WRN: variants seen among roughly 807,000 people sequenced by gnomAD.
WRN encodes the protein WRN RecQ like helicase, also known as bifunctional 3'-5' exonuclease/ATP-dependent helicase WRN.
In WRN, 149 loss-of-function variants were observed where a neutral mutation model predicts 180.7. That is an observed-to-expected ratio of 0.82 (90% CI 0.72 to 0.94). The LOEUF (loss-of-function observed/expected upper bound fraction) is 0.94, where lower values mean the gene tolerates loss of function less well. Ranked by LOEUF, WRN falls within the 40% of genes least tolerant of loss-of-function variation. The pLI is 0.00. For synonymous variants in WRN, 548 were observed against 568.9 expected, an observed-to-expected ratio of 0.96 and a Z score of 0.52; for missense variants, 1,661 against 1,700.1, an observed-to-expected ratio of 0.98 and a Z score of 0.40.
At position 31,173,922 on chromosome 8, in the gene WRN, A is replaced by C. The variant is rs11574418; in HGVS notation, c.*820A>C. ...GGGTAAACGATGATTATTTAACTTT[A>C]AGCAGTTCACCATCCATTTCAAAGC... is the stretch of plus-strand genomic sequence containing the variant. On this transcript the variant is annotated 3_prime_UTR_variant, in exon 35 of 35. Coordinates refer to ENST00000298139, the MANE Select transcript of WRN (RefSeq NM_000553.6). 2.2e-3 allele frequency among the ~76,000 whole-genome samples: 338 copies of C among 152,312 alleles called. 3 individuals carry two copies. Among genetic ancestry groups the C allele is most frequent in the Non-Finnish European group, 1.7e-3 (114 of 68,010 alleles).
At chr8:31,047,420 A>G (rs2725340) in intron 1 of WRN, among the ~76,000 whole-genome samples, 121,647 of 151,936 alleles carry the variant, frequency 0.8, 48,767 homozygotes, top group East Asian at 0.9. Context: ...GTACCACTAC[A>G]TCCAGCCAGG....
At chr8:31,080,199 A>G (rs1193210669) in intron 8 of WRN, among the ~76,000 whole-genome samples, 1 of 152,154 alleles carries the variant, frequency 6.6e-6, no homozygotes, top group Non-Finnish European at 1.5e-5. Flanking sequence ...CTTTTAACTT[A>G]AAGTGTTAAT....
chr8:31,111,186 A>G (rs1801301723), intron 18 of WRN, among the ~76,000 whole-genome samples: 1 of 152,146 alleles, frequency 6.6e-6, no homozygotes. Context: ...ATTGCTTTAT[A>G]TAGTTAGATT....
intron 34 of WRN, among the ~76,000 whole-genome samples, chr8:31,172,518 C>A (rs1249214978): frequency 6.6e-6 from 1 of 152,172 alleles, no homozygotes. Flanking sequence ...GCGTACTATG[C>A]CTTGGCCACT....
At chr8:31,135,493 G>A (rs1167014734) in intron 24 of WRN, among the ~76,000 whole-genome samples, 1 of 152,212 alleles carries the variant, frequency 6.6e-6, no homozygotes, top group African/African-American at 2.4e-5. Flanking sequence ...TATGGAAGAT[G>A]TTACTTAAGA....
chr8:31,056,794 T>TAA, intron 1 of WRN, among the ~76,000 whole-genome samples: 3 of 152,338 alleles, frequency 2.0e-5, no homozygotes, highest in African/African-American at 7.2e-5. Flanking sequence ...AATAAATCCA[T>TAA]AATTCCAGGC....
chr8:31,140,184 A>C (rs1340696340), intron 24 of WRN, among the ~76,000 whole-genome samples: 2 of 150,340 alleles, frequency 1.3e-5, no homozygotes, highest in Non-Finnish European at 3.0e-5. Context: ...ACACCACCAC[A>C]CTTTGCTAAT....
At position 31,080,879 on chromosome 8, in the gene WRN, A is replaced by T; in HGVS notation, c.852A>T (p.Leu284Phe). ...KLENPRRVSI[L>F]LKDISENLYS... Reference sequence around the variant, plus strand: ...ATTTTTTTTTTAGGGTTTCTATCTTACTAAAGGATATTTCAGAAAATCTAT... The same window carrying T: ...ATTTTTTTTTTAGGGTTTCTATCTTTCTAAAGGATATTTCAGAAAATCTAT... Residue 284 changes from leucine to phenylalanine, a missense_variant, in exon 9 of 35, where the codon TTA becomes TTT. Around this residue, in one of 3 missense-constraint regions of WRN, gnomAD observed 500 missense variants for 504.1 expected, o/e 0.99. Coordinates refer to ENST00000298139, the MANE Select transcript of WRN (RefSeq NM_000553.6). The T allele has an allele frequency of 6.2e-7, 1 of 1,606,590 alleles. No individual in the cohort carries two copies. The highest frequency in any genetic ancestry group is 8.5e-7 in the Non-Finnish European group (1 of 1,177,714).
At chr8:31,133,423 G>C (rs1377156688) in intron 24 of WRN, among the ~76,000 whole-genome samples, 1 of 152,106 alleles carries the variant, frequency 6.6e-6, no homozygotes, top group African/African-American at 2.4e-5. Flanking sequence ...CATTTTGGAG[G>C]CTGAGGCAGG....
Position 31,100,929 on chromosome 8 carries a change from G to A in WRN, c.2062G>A (p.Gly688Ser), listed in dbSNP as rs1408654459. The part of the protein sequence containing the change: ...HDFRDSFRKL[G>S]SLKTALPMVP... Reference sequence around the variant, plus strand: ...TTTTAGGGATTCATTCAGGAAGTTGGGCTCCCTAAAGACAGCACTGCCAAT... The same window carrying A: ...TTTTAGGGATTCATTCAGGAAGTTGAGCTCCCTAAAGACAGCACTGCCAAT... Residue 688 changes from glycine to serine, a missense_variant, in exon 18 of 35, where the codon GGC (glycine) becomes AGC (serine). Around this residue, in one of 3 missense-constraint regions of WRN, gnomAD observed 1,141 missense variants for 1,149.4 expected, o/e 0.99. Transcript: ENST00000298139. 3 of 1,613,938 alleles carry A rather than the reference G, an allele frequency of 1.9e-6. No individual in the cohort carries two copies. Among genetic ancestry groups the A allele is most frequent in the African/African-American group, 1.3e-5 (1 of 74,992 alleles).
intron 1 of WRN, among the ~76,000 whole-genome samples, chr8:31,034,321 C>G (rs1031340377): frequency 8.5e-5 from 13 of 152,170 alleles, no homozygotes; most frequent in Non-Finnish European, 1.8e-4. Context: ...GGGAAATAAC[C>G]TGCTGTCTAT....
rs182293715 is a variant in WRN, at chr8:31,159,304, A to G, written c.3982+1774A>G. Among the ~76,000 whole-genome samples the G allele has an allele frequency of 4.2e-3, 639 of 151,934 alleles. 4 individuals carry two copies. The highest frequency in any genetic ancestry group is 6.8e-3 in the Non-Finnish European group (461 of 67,950). The stretch of plus-strand genomic sequence containing the variant: ...GACACCCAGAGTGAGAACCTGTCTC[A>G]AAAGGAGAAAAAAAAAAAAGTAACA... On this transcript the variant is annotated intron_variant, in intron 33 of 34. Transcript: ENST00000298139.
Position 31,080,927 on chromosome 8 carries a change from T to A in WRN, c.900T>A (p.Ile300=). 1 of 1,613,280 alleles carries A rather than the reference T, an allele frequency of 6.2e-7. No homozygotes were observed. The highest frequency in any genetic ancestry group is 8.5e-7 in the Non-Finnish European group (1 of 1,179,760). ...TATATTCACTGAGGAGGATGATAAT[T>A]GGGTCTACTAACATTGAGACTGAAC... ...ENLYSLRRMI[I]GSTNIETELR... The change falls in exon 9 of 35, where the codon ATT becomes ATA. Residue 300 remains isoleucine (I), a synonymous_variant. Coordinates refer to ENST00000298139, the MANE Select transcript of WRN (RefSeq NM_000553.6).
intron 17 of WRN, among the ~76,000 whole-genome samples, chr8:31,098,629 A>G (rs1421115791): frequency 1.3e-5 from 2 of 152,232 alleles, no homozygotes; most frequent in African/African-American, 4.8e-5. Context: ...AAAAATGAAT[A>G]TACGCAGGAT....
Position 31,141,788 on chromosome 8 carries a change from G to A in WRN, c.3233+13G>A. 3.7e-6 allele frequency: 6 copies of A among 1,611,324 alleles called. No individual in the cohort carries two copies. Among genetic ancestry groups the A allele is most frequent in the Non-Finnish European group, 4.2e-6 (5 of 1,178,190 alleles). ...TGCTTCTGCCTAGGTTCATTTTTCA[G>A]TTTTTTTCTTGTAACTTCTGCATTT... On this transcript the variant is annotated intron_variant, in intron 26 of 34. Transcript: ENST00000298139.
At chr8:31,163,737 T>C (rs1252081008) in intron 33 of WRN, among the ~76,000 whole-genome samples, 4 of 152,130 alleles carry the variant, frequency 2.6e-5, no homozygotes, top group Non-Finnish European at 5.9e-5. Context: ...TAAAAACTTA[T>C]CCTTCGGTTA....
At chr8:31,055,148 T>G (rs1255615407) in intron 1 of WRN, among the ~76,000 whole-genome samples, 1 of 152,232 alleles carries the variant, frequency 6.6e-6, no homozygotes, top group African/African-American at 2.4e-5. Flanking sequence ...TTTCCATGTC[T>G]TTGCTATTGT....
intron 9 of WRN, among the ~76,000 whole-genome samples, chr8:31,082,863 A>C (rs1398819024): frequency 2.0e-5 from 3 of 152,018 alleles, no homozygotes; most frequent in African/African-American, 7.2e-5. Flanking sequence ...TACACCAATT[A>C]TTGCCATTTT....
intron 30 of WRN, 56 bp downstream of exon 30, chr8:31,147,532 A>G (rs1802910170): frequency 1.3e-6 from 2 of 1,504,128 alleles, no homozygotes; most frequent in African/African-American, 1.4e-5. Context: ...ATAGATTTGG[A>G]AAATATATCT....
Sources: gnomAD v4.1 joint callset for allele counts (sites outside exome capture counted in the v4.1 genomes callset) on GRCh38, gnomAD v4.1.1 for gene constraint, gnomAD v4.1.1 regional missense constraint, MANE v1.5 for transcripts, NCBI Gene and HGNC (gene_info 2026-07-23, HGNC 2026-07-21) for gene names.